The following GNAQ variants were observed in gnomAD, a reference collection of about 807,000 sequenced individuals.
The protein encoded by GNAQ is G protein subunit alpha q.
GNAQ carries 8 observed loss-of-function variants against 43.9 expected under a neutral mutation model. That is an observed-to-expected ratio of 0.18 (90% CI 0.11 to 0.33). GNAQ has a LOEUF of 0.33. Among genes scored for constraint, GNAQ ranks in the 10% least tolerant of loss-of-function variants. GNAQ has a pLI of 1.00. For synonymous variants in GNAQ, 155 were observed against 170.7 expected (o/e 0.91, Z 0.71); for missense variants, 158 against 450.8 (o/e 0.35, Z 5.88).
rs201720237 is a variant in GNAQ at position 78,008,614 on chromosome 9, C to T, written c.136+22486G>A. The stretch of plus-strand genomic sequence containing the variant: ...CATTTCATTTCATTTCATTTCATTT[C>T]ATTTCATTTTATTTTATTTTTTGAG... On this transcript the variant is annotated intron_variant, in intron 1 of 6. Transcript: ENST00000286548. Among the ~76,000 whole-genome samples the T allele has an allele frequency of 3.9e-3, 418 of 106,078 alleles. 2 individuals carry two copies. Among genetic ancestry groups the T allele is most frequent in the African/African-American group, 0.016 (359 of 21,810 alleles). 69.6% of individuals were successfully genotyped at this position (106,078 alleles called of 152,430 possible).
Position 77,730,286 on chromosome 9 carries a change from G to C in GNAQ, c.736-1619C>G, listed in dbSNP as rs187293573. The stretch of plus-strand genomic sequence containing the variant: ...GGAAGTGAATGAGAATGACTGAATA[G>C]ACTGGCTATGAACACCTTCTGCTCA... On this transcript the variant is annotated intron_variant, in intron 5 of 6. Transcript: ENST00000286548. 3.4e-3 allele frequency among the ~76,000 whole-genome samples: 524 copies of C among 152,258 alleles called. 1 individual carries two copies. The highest frequency in any genetic ancestry group is 4.6e-3 in the Non-Finnish European group (312 of 68,024).
At chr9:77,898,473 T>C (rs551852852) in intron 2 of GNAQ, among the ~76,000 whole-genome samples, 1 of 152,366 alleles carries the variant, frequency 6.6e-6, no homozygotes, top group South Asian at 2.1e-4. Flanking sequence ...AAATTGCCCA[T>C]GGACTTGCTT....
At chr9:77,986,526 G>T (rs1281348265) in intron 1 of GNAQ, among the ~76,000 whole-genome samples, 1 of 152,096 alleles carries the variant, frequency 6.6e-6, no homozygotes, top group Non-Finnish European at 1.5e-5. Flanking sequence ...TTTGTTTTGG[G>T]ACAGGGTCTC....
chr9:77,940,714 T>C (rs927922331), intron 1 of GNAQ, among the ~76,000 whole-genome samples: 2 of 152,234 alleles, frequency 1.3e-5, no homozygotes, highest in African/African-American at 4.8e-5. Context: ...ACGCCTGTAA[T>C]CCCAGCACTT....
rs1443705815 is a variant in GNAQ, at chr9:77,719,651, C to T, written c.*1672G>A. The T allele has an allele frequency of 4.3e-6, 1 of 232,840 alleles. No individual in the cohort carries two copies. Among genetic ancestry groups the T allele is most frequent in the Non-Finnish European group, 8.5e-6 (1 of 117,808 alleles). The allele number at this position is 232,840 out of a possible 1,614,324, so 14.4% of individuals were successfully genotyped here. ...GTATCATGGCCTAATTCTAACGTCC[C>T]AGCAGCTTTGAACAATCATGATTTA... is the stretch of plus-strand genomic sequence containing the variant. On this transcript the variant is annotated 3_prime_UTR_variant, in exon 7 of 7. Coordinates refer to ENST00000286548, the MANE Select transcript of GNAQ (RefSeq NM_002072.5).
intron 5 of GNAQ, among the ~76,000 whole-genome samples, chr9:77,773,576 C>A (rs1456104364): frequency 1.3e-5 from 2 of 152,228 alleles, no homozygotes; most frequent in Non-Finnish European, 2.9e-5. Flanking sequence ...GATTCTATTT[C>A]CCTGTTGTCT....
At chr9:77,760,668 A>G (rs956478873) in intron 5 of GNAQ, among the ~76,000 whole-genome samples, 4 of 149,020 alleles carry the variant, frequency 2.7e-5, no homozygotes, top group African/African-American at 1.0e-4. Context: ...CTGGCCACCC[A>G]TCATCTGGGA....
At chr9:77,923,060 TTGAC>T in intron 1 of GNAQ, among the ~76,000 whole-genome samples, 1 of 152,092 alleles carries the variant, frequency 6.6e-6, no homozygotes, top group Admixed American at 6.6e-5. Context: ...TCTCACTAGA[TTGAC>T]TGGGCTGGCT....
chr9:77,792,664 C>T (rs1276203080), intron 5 of GNAQ, among the ~76,000 whole-genome samples: 2 of 151,962 alleles, frequency 1.3e-5, no homozygotes, highest in African/African-American at 2.4e-5. Context: ...ATAAGTATTA[C>T]ATCATGACAT....
At chr9:77,735,060 T>C (rs1037363791) in intron 5 of GNAQ, among the ~76,000 whole-genome samples, 1 of 152,180 alleles carries the variant, frequency 6.6e-6, no homozygotes, top group East Asian at 1.9e-4. Context: ...ACCATTTTTA[T>C]TGGCACCACT....
intron 2 of GNAQ, 136 bp from the exon 3 acceptor site, chr9:77,815,906 A>C: frequency 1.8e-6 from 1 of 544,282 alleles, no homozygotes; most frequent in Non-Finnish European, 3.2e-6. Flanking sequence ...CAATAAAGTC[A>C]TGTTTCATAT....
chr9:77,763,189 C>T (rs964562186), intron 5 of GNAQ, among the ~76,000 whole-genome samples: 2 of 147,222 alleles, frequency 1.4e-5, no homozygotes, highest in African/African-American at 5.0e-5. Flanking sequence ...GGCCCAGGAA[C>T]TGGCTGGAAA....
chr9:77,942,988 G>A (rs1215852552), intron 1 of GNAQ, among the ~76,000 whole-genome samples: 1 of 152,066 alleles, frequency 6.6e-6, no homozygotes, highest in Non-Finnish European at 1.5e-5. Context: ...TACCTTTCTG[G>A]TTTTCATTTA....
intron 2 of GNAQ, among the ~76,000 whole-genome samples, chr9:77,860,678 G>A (rs1228837211): frequency 2.0e-5 from 3 of 152,126 alleles, no homozygotes; most frequent in Non-Finnish European, 2.9e-5. Flanking sequence ...GTGCTAGTTC[G>A]CCCGCAGCTC....
chr9:77,734,942 G>A (rs567513348), intron 5 of GNAQ, among the ~76,000 whole-genome samples: 1 of 152,284 alleles, frequency 6.6e-6, no homozygotes, highest in South Asian at 2.1e-4. Flanking sequence ...AAAGTTACAG[G>A]TTAAGACAAC....
chr9:77,824,044 T>C (rs1827155077), intron 2 of GNAQ, among the ~76,000 whole-genome samples: 1 of 152,230 alleles, frequency 6.6e-6, no homozygotes, highest in South Asian at 2.1e-4. Flanking sequence ...AATACTTTTC[T>C]TGGTACCTTC....
intron 5 of GNAQ, among the ~76,000 whole-genome samples, chr9:77,753,799 G>C (rs915947861): frequency 3.9e-5 from 6 of 151,918 alleles, no homozygotes; most frequent in African/African-American, 1.4e-4. Flanking sequence ...TAACAGAAAA[G>C]GCACTGTATA....
chr9:77,975,826 G>A (rs1470648805), intron 1 of GNAQ, among the ~76,000 whole-genome samples: 4 of 152,026 alleles, frequency 2.6e-5, no homozygotes, highest in Middle Eastern at 3.4e-3. Context: ...GTGAGCCACT[G>A]CGCTCAGCCC....
At chr9:77,887,151 G>GTAAAA (rs938761279) in intron 2 of GNAQ, among the ~76,000 whole-genome samples, 2 of 135,726 alleles carry the variant, frequency 1.5e-5, no homozygotes, top group Non-Finnish European at 3.3e-5. Flanking sequence ...ATAAAATAAA[G>GTAAAA]TAAAATAAAA....
Sources: allele counts gnomAD v4.1 joint callset (sites outside exome capture counted in the v4.1 genomes callset), GRCh38; gene constraint gnomAD v4.1.1; transcripts MANE v1.5; gene names NCBI Gene and HGNC (gene_info 2026-07-23, HGNC 2026-07-21).